Variants in DPY19L1 observed in about 807,000 individuals in gnomAD.
DPY19L1 encodes the protein protein C-mannosyl-transferase DPY19L1.
In DPY19L1, 35 loss-of-function variants were observed where a neutral mutation model predicts 96.9. That is an observed-to-expected ratio of 0.36 (90% CI 0.28 to 0.48). The LOEUF is 0.48. DPY19L1 is among the 20% of genes least tolerant of loss of function. The pLI, the probability that DPY19L1 is intolerant of heterozygous loss-of-function variation, is 0.99. For synonymous variants in DPY19L1, 205 were observed against 252.6 expected, an observed-to-expected ratio of 0.81 and a Z score of 1.79; for missense variants, 521 against 777.9, an observed-to-expected ratio of 0.67 and a Z score of 3.93.
chr7:34,940,293 C>G lies in DPY19L1; in HGVS notation c.1724G>C (p.Gly575Ala). Reference sequence around the variant, plus strand: ...TGCTAATATAGCAAACACAATAGCACCAGGATGTACTTTGCAAAAGAGCCA... The same window carrying G: ...TGCTAATATAGCAAACACAATAGCAGCAGGATGTACTTTGCAAAAGAGCCA... ...FGWLFCKVHPGAIVFAILAAM... is the reference protein window; with the variant it reads ...FGWLFCKVHPAAIVFAILAAM... Residue 575 changes from glycine (G) to alanine (A), a missense_variant, in exon 19 of 22, where the codon GGT (glycine) becomes GCT (alanine). Coordinates refer to ENST00000638088, the MANE Select transcript of DPY19L1 (RefSeq NM_001366673.1). 6.2e-7 allele frequency: 1 copy of G among 1,607,106 alleles called. No homozygotes were observed. The highest frequency in any genetic ancestry group is 8.5e-7 in the Non-Finnish European group (1 of 1,178,708).
rs756011209 is a variant in DPY19L1, at chr7:34,938,134, A to C, written c.1965-15T>G. ...TTGTTCTGGCTCTTTAAAGAAAAATAATTGGGCATAAAATTTTCAAGACTA... is the reference window on the plus strand; with the variant it reads ...TTGTTCTGGCTCTTTAAAGAAAAATCATTGGGCATAAAATTTTCAAGACTA... On this transcript the variant is annotated splice_polypyrimidine_tract_variant and intron_variant, in intron 20 of 21. Coordinates refer to ENST00000638088, the MANE Select transcript of DPY19L1 (RefSeq NM_001366673.1). 1 of 1,610,236 alleles carries C rather than the reference A, an allele frequency of 6.2e-7. No homozygotes were observed. Among genetic ancestry groups the C allele is most frequent in the Admixed American group, 1.7e-5 (1 of 59,382 alleles).
rs1026763294 is a variant in DPY19L1, at chr7:34,985,366, A to G, written c.822+4518T>C. ...TAAAATGCTTCTGCACAACAAAGGA[A>G]ATAATTAACAGAGTGTACAGTCAAC... On this transcript the variant is annotated intron_variant, in intron 7 of 21. Coordinates refer to ENST00000638088, the MANE Select transcript of DPY19L1 (RefSeq NM_001366673.1). 2.4e-4 allele frequency among the ~76,000 whole-genome samples: 36 copies of G among 152,176 alleles called. 1 individual carries two copies. Among genetic ancestry groups the G allele is most frequent in the Non-Finnish European group, 4.4e-5 (3 of 68,014 alleles).
chr7:34,994,714 G>T lies in DPY19L1; in HGVS notation c.765-4773C>A, dbSNP rs569331960. On this transcript the variant is annotated intron_variant, in intron 6 of 21. Coordinates refer to ENST00000638088, the MANE Select transcript of DPY19L1 (RefSeq NM_001366673.1). ...AGCTACTCGGAAGGCTGAGGCAGGA[G>T]AATGGCGTGAACCCAGGAGGTGGAG... is the stretch of plus-strand genomic sequence containing the variant. Among the ~76,000 whole-genome samples the T allele has an allele frequency of 4.1e-4, 63 of 151,836 alleles. 1 individual carries two copies. Among genetic ancestry groups the T allele is most frequent in the African/African-American group, 1.3e-3 (54 of 41,392 alleles).
At position 34,955,158 on chromosome 7, in the gene DPY19L1, A is replaced by G. The variant is rs1052242294; in HGVS notation, c.1239+150T>C. 4 of 745,726 alleles carry G rather than the reference A, an allele frequency of 5.4e-6. No homozygotes were observed. In the African/African-American group the frequency reaches 5.4e-5, roughly 10 times the overall value. The allele number at this position is 745,726 out of a possible 1,614,324, so 46.2% of individuals were successfully genotyped here. On this transcript the variant is annotated intron_variant, in intron 12 of 21. Transcript: ENST00000638088. ...CTTTAACTTGTTTCATAAAAAGGGC[A>G]ATTTGGTACATTAAAACTGAGCCCT...
At chr7:35,028,913 T>G (rs1460013465) in intron 1 of DPY19L1, among the ~76,000 whole-genome samples, 4 of 152,188 alleles carry the variant, frequency 2.6e-5, no homozygotes, top group Non-Finnish European at 4.4e-5. Flanking sequence ...CTGGTGGATA[T>G]GTCTTTTAGC....
intron 8 of DPY19L1, among the ~76,000 whole-genome samples, chr7:34,971,336 G>C (rs1427105509): frequency 6.6e-6 from 1 of 152,184 alleles, no homozygotes; most frequent in African/African-American, 2.4e-5. Context: ...AAAGACTGCA[G>C]TGTCCAAGAA....
intron 14 of DPY19L1, among the ~76,000 whole-genome samples, chr7:34,948,467 G>C (rs1649223): frequency 0.47 from 70,870 of 151,924 alleles, 17,039 homozygotes; most frequent in Admixed American, 0.61. Flanking sequence ...TGAACTGACA[G>C]TACTCTGTCT....
At chr7:35,006,105 A>G (rs759473718) in intron 6 of DPY19L1, among the ~76,000 whole-genome samples, 5 of 152,210 alleles carry the variant, frequency 3.3e-5, no homozygotes, top group Non-Finnish European at 7.3e-5. Flanking sequence ...AGAGAAAGAA[A>G]AAATCTCCTG....
chr7:34,979,104 G>C (rs186472906), intron 7 of DPY19L1, among the ~76,000 whole-genome samples: 164 of 152,210 alleles, frequency 1.1e-3, no homozygotes, highest in Middle Eastern at 6.8e-3. Flanking sequence ...GAAAATCTAA[G>C]ATATCAGTAT....
intron 1 of DPY19L1, among the ~76,000 whole-genome samples, chr7:35,021,078 A>G (rs1034070895): frequency 2.0e-5 from 3 of 152,212 alleles, no homozygotes; most frequent in African/African-American, 7.2e-5. Flanking sequence ...TTTTACTATT[A>G]GTTTCTTATT....
chr7:35,034,662 T>G (rs768439235), intron 1 of DPY19L1, among the ~76,000 whole-genome samples: 8 of 152,224 alleles, frequency 5.3e-5, no homozygotes, highest in African/African-American at 2.4e-5. Context: ...TTAGAACCTA[T>G]GGAGGAAAGC....
chr7:35,024,351 A>C (rs1295681681), intron 1 of DPY19L1, among the ~76,000 whole-genome samples: 2 of 152,188 alleles, frequency 1.3e-5, no homozygotes, highest in Non-Finnish European at 2.9e-5. Context: ...CAAGCTTGAC[A>C]AGTTCTATTT....
intron 7 of DPY19L1, among the ~76,000 whole-genome samples, chr7:34,979,735 A>T (rs896093335): frequency 4.6e-5 from 7 of 152,172 alleles, no homozygotes; most frequent in African/African-American, 1.7e-4. Flanking sequence ...GAGATTAATA[A>T]AATATGTGAA....
At chr7:34,963,620 T>A (rs1784549140) in intron 10 of DPY19L1, among the ~76,000 whole-genome samples, 1 of 152,104 alleles carries the variant, frequency 6.6e-6, no homozygotes, top group Non-Finnish European at 1.5e-5. Flanking sequence ...TGTGTGTGTG[T>A]GTGTGCGTGT....
chr7:34,957,377 A>G (rs1294395443), intron 11 of DPY19L1, among the ~76,000 whole-genome samples: 2 of 152,170 alleles, frequency 1.3e-5, no homozygotes, highest in African/African-American at 4.8e-5. Flanking sequence ...CTCCACCTTA[A>G]AAAAACAAAA....
chr7:34,999,584 C>T (rs1366766477), intron 6 of DPY19L1, among the ~76,000 whole-genome samples: 1 of 152,098 alleles, frequency 6.6e-6, no homozygotes, highest in Non-Finnish European at 1.5e-5. Flanking sequence ...AAGGGAATCG[C>T]TAAACGGAAG....
chr7:34,993,194 C>T (rs1339182922), intron 6 of DPY19L1, among the ~76,000 whole-genome samples: 1 of 152,112 alleles, frequency 6.6e-6, no homozygotes, highest in African/African-American at 2.4e-5. Context: ...TCTGCACTTC[C>T]TGTCTTGTCT....
intron 10 of DPY19L1, 102 bp downstream of exon 10, chr7:34,966,792 G>A (rs929643793): frequency 1.8e-6 from 2 of 1,092,420 alleles, no homozygotes; most frequent in Non-Finnish European, 2.5e-6. Flanking sequence ...ATTTGTTTTA[G>A]TTATGAAATT....
At chr7:34,993,322 T>C (rs1291689335) in intron 6 of DPY19L1, among the ~76,000 whole-genome samples, 2 of 152,214 alleles carry the variant, frequency 1.3e-5, no homozygotes, top group Non-Finnish European at 2.9e-5. Context: ...TAGCCAATTA[T>C]ATTAAAATCA....
Sources: gnomAD v4.1 joint callset for allele counts (sites outside exome capture counted in the v4.1 genomes callset) on GRCh38, gnomAD v4.1.1 for gene constraint, MANE v1.5 for transcripts, NCBI Gene and HGNC (gene_info 2026-07-23, HGNC 2026-07-21) for gene names.